Variants in CLCN5 observed in about 807,000 individuals in gnomAD.
CLCN5 encodes H(+)/Cl(-) exchange transporter 5.
In CLCN5, 17 loss-of-function variants were observed where a neutral mutation model predicts 54.0. That is an observed-to-expected ratio of 0.31 (90% CI 0.22 to 0.47). The LOEUF is 0.47. Ranked by LOEUF, CLCN5 falls within the 20% of genes least tolerant of loss-of-function variation. The probability of loss-of-function intolerance (pLI) is 1.00; values close to 1 mark genes in which losing one functional copy is unlikely to be tolerated. For synonymous variants in CLCN5, 222 were observed against 233.0 expected (o/e 0.95, Z 0.43); for missense variants, 448 against 646.7 (o/e 0.69, Z 3.33).
intron 3 of CLCN5, among the ~76,000 whole-genome samples, chrX:50,027,489 A>G (rs112068618): frequency 0.074 from 8,245 of 111,260 alleles, 748 homozygotes; most frequent in African/African-American, 0.26. Flanking sequence ...GCTGTGTCCA[A>G]TTTATTGATG....
intron 4 of CLCN5, among the ~76,000 whole-genome samples, chrX:50,066,067 A>G (rs1420247955): frequency 2.9e-5 from 3 of 104,058 alleles, no homozygotes; most frequent in Non-Finnish European, 3.9e-5. Context: ...ATGCTAGATG[A>G]TGAGTTAGTG....
intron 4 of CLCN5, among the ~76,000 whole-genome samples, chrX:50,064,533 A>G (rs1557190484): frequency 1.1e-5 from 1 of 91,410 alleles, no homozygotes; most frequent in Admixed American, 1.3e-4. Flanking sequence ...ATGGAAGAAC[A>G]TTCCATGCTC....
At chrX:49,969,321 G>A (rs782191809) in intron 3 of CLCN5, among the ~76,000 whole-genome samples, 1 of 111,981 alleles carries the variant, frequency 8.9e-6, no homozygotes, top group African/African-American at 3.2e-5. Flanking sequence ...CAGGTGATCT[G>A]CCTGCCTCAG....
chrX:49,936,439 A>G (rs12848674), intron 3 of CLCN5, among the ~76,000 whole-genome samples: 16,390 of 111,216 alleles, frequency 0.15, 1,149 homozygotes, highest in Middle Eastern at 0.33. Flanking sequence ...ACCTATAATA[A>G]TTCATTATTT....
At chrX:49,983,905 A>G (rs1928863806) in intron 3 of CLCN5, among the ~76,000 whole-genome samples, 1 of 109,978 alleles carries the variant, frequency 9.1e-6, no homozygotes, top group Admixed American at 9.8e-5. Flanking sequence ...GTAATTACTT[A>G]TATATTGTGC....
chrX:50,065,447 C>T (rs1313441008), intron 4 of CLCN5, among the ~76,000 whole-genome samples: 1 of 87,630 alleles, frequency 1.1e-5, no homozygotes, highest in African/African-American at 4.5e-5. Flanking sequence ...AAATGCAAAT[C>T]AAAACCACTA....
At chrX:50,082,309 G>C (rs1201003453) in intron 9 of CLCN5, among the ~76,000 whole-genome samples, 1 of 109,356 alleles carries the variant, frequency 9.1e-6, no homozygotes, top group Non-Finnish European at 1.9e-5. Flanking sequence ...ACCCCAAACT[G>C]GTTTTACTTT....
chrX:50,098,063 C>T lies in CLCN5; in HGVS notation c.*5844C>T, dbSNP rs957036730. The T allele has an allele frequency of 8.9e-6, 1 of 111,947 alleles. No individual in the cohort carries two copies. The highest frequency in any genetic ancestry group is 2.8e-4 in the East Asian group (1 of 3,565). The allele number at this position is 111,947 out of a possible 1,213,427, so 9.2% of individuals were successfully genotyped here. Reference sequence around the variant, plus strand: ...TTTTCCTTCCTCCATTTCACTTTGTCCCCTCTTCTTCCTTTCTCTCCCATT... The same window carrying T: ...TTTTCCTTCCTCCATTTCACTTTGTTCCCTCTTCTTCCTTTCTCTCCCATT... On this transcript the variant is annotated 3_prime_UTR_variant, in exon 15 of 15. Transcript: ENST00000376091.
rs62593582 is a variant in CLCN5 at position 50,015,983 on chromosome X, T to C, written c.17-26333T>C. 7.3e-3 allele frequency among the ~76,000 whole-genome samples: 817 copies of C among 111,602 alleles called. 11 individuals are homozygous for C. Among genetic ancestry groups the C allele is most frequent in the Non-Finnish European group, 0.011 (603 of 53,137 alleles). On this transcript the variant is annotated intron_variant, in intron 3 of 14. Transcript: ENST00000376091. ...AAGATTCAGGTTATTTAATATGTGCTCCTTATCTTTTGTATACTCTAAAAT... is the reference window on the plus strand; with the variant it reads ...AAGATTCAGGTTATTTAATATGTGCCCCTTATCTTTTGTATACTCTAAAAT...
chrX:50,087,648 G>A lies in CLCN5; in HGVS notation c.1557+778G>A, dbSNP rs1187378256. Among the ~76,000 whole-genome samples, 3 of 111,718 alleles carry A rather than the reference G, an allele frequency of 2.7e-5. No homozygotes were observed. In the Admixed American group the frequency reaches 2.9e-4, roughly 11 times the overall value. On this transcript the variant is annotated intron_variant, in intron 11 of 14. Transcript: ENST00000376091. ...AGAGAAATGGAGATTCAAGCCAGAA[G>A]AGATAGCAACTCAGTTTAGGCATTA...
At chrX:49,936,740 T>C (rs782752401) in intron 3 of CLCN5, among the ~76,000 whole-genome samples, 21 of 112,215 alleles carry the variant, frequency 1.9e-4, no homozygotes, top group African/African-American at 6.1e-4. Context: ...TTTTTCAAAA[T>C]GTAACTTGTA....
At chrX:49,989,522 T>C (rs1368473124) in intron 3 of CLCN5, among the ~76,000 whole-genome samples, 1 of 112,515 alleles carries the variant, frequency 8.9e-6, no homozygotes, top group Non-Finnish European at 1.9e-5. Flanking sequence ...ATGTGTCTTC[T>C]ATAATACATA....
At chrX:49,926,632 G>A (rs1280346616) in intron 3 of CLCN5, among the ~76,000 whole-genome samples, 2 of 112,115 alleles carry the variant, frequency 1.8e-5, no homozygotes, top group East Asian at 5.6e-4. Flanking sequence ...TGCCTCATGT[G>A]AGATGTGTAG....
chrX:49,982,919 A>T (rs1928815586), intron 3 of CLCN5, among the ~76,000 whole-genome samples: 1 of 112,126 alleles, frequency 8.9e-6, no homozygotes, highest in South Asian at 3.7e-4. Context: ...TTAATAGCTA[A>T]ATTAAATAAT....
intron 3 of CLCN5, among the ~76,000 whole-genome samples, chrX:49,971,850 A>C (rs905421197): frequency 8.9e-6 from 1 of 111,973 alleles, no homozygotes; most frequent in Admixed American, 9.5e-5. Flanking sequence ...AGAAACTTTA[A>C]ATGATTGCTT....
rs782662395 is a variant in CLCN5, at chrX:49,954,231, T to C, written c.16+28917T>C. Among the ~76,000 whole-genome samples, 11 of 112,080 alleles carry C rather than the reference T, an allele frequency of 9.8e-5. No homozygotes were observed. In the South Asian group the frequency reaches 4.1e-3, roughly 41 times the overall value. On this transcript the variant is annotated intron_variant, in intron 3 of 14. Transcript: ENST00000376091. The stretch of plus-strand genomic sequence containing the variant: ...CCAAGGAGATGTGCCTACCTGCCTG[T>C]TTCTTCTAGACCAAGCTTGTGCAAC...
In CLCN5 at chrX:50,098,314, G is replaced by A. The variant is rs1557195997; in HGVS notation, c.*6095G>A. The A allele has an allele frequency of 8.9e-6, 1 of 112,396 alleles. No homozygotes were observed. The highest frequency in any genetic ancestry group is 1.9e-5 in the Non-Finnish European group (1 of 53,263). The allele number at this position is 112,396 out of a possible 1,213,427, so 9.3% of individuals were successfully genotyped here. A position where few individuals can be genotyped will look rare whatever the true frequency, so the allele number is the denominator to read the frequency against. On this transcript the variant is annotated 3_prime_UTR_variant, in exon 15 of 15. Coordinates refer to ENST00000376091, the MANE Select transcript of CLCN5 (RefSeq NM_001127898.4). ...TCAGTACCTTGCTCACGTCAGCTAA[G>A]GGGGACAGTGATGTCATGTGGGTGA...
chrX:49,935,099 A>G (rs1925872165), intron 3 of CLCN5, among the ~76,000 whole-genome samples: 1 of 112,018 alleles, frequency 8.9e-6, no homozygotes. Context: ...GTAATACACA[A>G]TAATAACAGA....
At chrX:49,991,230 A>AT (rs1228576451) in intron 3 of CLCN5, among the ~76,000 whole-genome samples, 47 of 111,565 alleles carry the variant, frequency 4.2e-4, no homozygotes, top group African/African-American at 1.5e-3. Context: ...TTATTTTTTG[A>AT]TTTTTTAATT....
Sources: allele counts gnomAD v4.1 joint callset (sites outside exome capture counted in the v4.1 genomes callset), GRCh38; gene constraint gnomAD v4.1.1; transcripts MANE v1.5; gene names NCBI Gene and HGNC (gene_info 2026-07-23, HGNC 2026-07-21).